ATXN10: variants seen among roughly 807,000 people sequenced by gnomAD.
ATXN10 encodes the protein ataxin 10, also known as ataxin-10.
Under a neutral mutation model 52.9 loss-of-function variants are expected in ATXN10, and 28 were observed. The observed-to-expected ratio is 0.53, with a 90% CI of 0.39 to 0.73. ATXN10 has a LOEUF of 0.73. Among genes scored for constraint, ATXN10 ranks in the 30% least tolerant of loss-of-function variants. The pLI, the probability that ATXN10 is intolerant of heterozygous loss-of-function variation, is 0.00. For missense variants in ATXN10, 565 were observed against 577.0 expected (o/e 0.98, Z 0.21); for synonymous variants, 226 against 221.5 (o/e 1.02, Z -0.18).
intron 9 of ATXN10, among the ~76,000 whole-genome samples, chr22:45,764,190 C>T (rs928952344): frequency 3.9e-5 from 6 of 152,152 alleles, no homozygotes; most frequent in African/African-American, 1.4e-4. Flanking sequence ...TCCCCCATCG[C>T]AGGGGAGTTC....
At chr22:45,751,763 A>AAAAAT in intron 9 of ATXN10, among the ~76,000 whole-genome samples, 7 of 66,626 alleles carry the variant, frequency 1.1e-4, no homozygotes, top group South Asian at 3.8e-4. Context: ...AATAAAAAAA[A>AAAAAT]AATAATAATA....
intron 9 of ATXN10, among the ~76,000 whole-genome samples, chr22:45,753,258 A>G (rs1926051810): frequency 6.9e-6 from 1 of 144,732 alleles, no homozygotes; most frequent in African/African-American, 2.6e-5. Flanking sequence ...TCATCTTCTT[A>G]GGAGAAACCT....
In ATXN10 at chr22:45,708,754, C is replaced by G. The variant is rs1444779227; in HGVS notation, c.647+5907C>G. Among the ~76,000 whole-genome samples the G allele has an allele frequency of 6.6e-6, 1 of 152,196 alleles. No individual in the cohort carries two copies. The highest frequency in any genetic ancestry group is 1.9e-4 in the East Asian group (1 of 5,188). ...TCCCGGGTTCAAGTGATTCTCCCAT[C>G]TCAGCCCCCTGAGTAGCCAGGACTA... On this transcript the variant is annotated intron_variant, in intron 5 of 11. Transcript: ENST00000252934. This position sits in a 1 kb window ranked among gnomAD's most constrained non-coding sequence, Gnocchi z 5.3.
At chr22:45,810,457 C>T (rs754939963) in intron 10 of ATXN10, among the ~76,000 whole-genome samples, 10 of 152,230 alleles carry the variant, frequency 6.6e-5, no homozygotes, top group Non-Finnish European at 1.3e-4. Context: ...GTCGTGTGCA[C>T]ATGCACATAC....
In ATXN10 at chr22:45,728,475, G is replaced by A. The variant is rs970133771; in HGVS notation, c.729-950G>A. 1.3e-5 allele frequency among the ~76,000 whole-genome samples: 2 copies of A among 152,078 alleles called. No homozygotes were observed. Among genetic ancestry groups the A allele is most frequent in the African/African-American group, 2.4e-5 (1 of 41,416 alleles). Reference sequence around the variant, plus strand: ...ATCATTTGGCCACAGTACAGGAAGCGTTTGCTATAGTTTTATTTCTTACTT... The same window carrying A: ...ATCATTTGGCCACAGTACAGGAAGCATTTGCTATAGTTTTATTTCTTACTT... On this transcript the variant is annotated intron_variant, in intron 6 of 11. Transcript: ENST00000252934. This position sits in a 1 kb window ranked among gnomAD's most constrained non-coding sequence, Gnocchi z 4.3.
At chr22:45,810,164 C>G (rs1030511570) in intron 10 of ATXN10, among the ~76,000 whole-genome samples, 2 of 152,168 alleles carry the variant, frequency 1.3e-5, no homozygotes, top group Non-Finnish European at 2.9e-5. Context: ...GCCCTAGTTA[C>G]TGAAAAGAAC....
At chr22:45,745,188 G>A (rs1436926661) in intron 9 of ATXN10, among the ~76,000 whole-genome samples, 1 of 152,138 alleles carries the variant, frequency 6.6e-6, no homozygotes, top group Non-Finnish European at 1.5e-5. Context: ...TTAGAATAAG[G>A]AATGTATGGT....
chr22:45,686,518 A>G (rs1018873224), intron 1 of ATXN10, among the ~76,000 whole-genome samples: 1 of 152,074 alleles, frequency 6.6e-6, no homozygotes, highest in Non-Finnish European at 1.5e-5. Context: ...GAGTTTCCCA[A>G]AGGTTTGAAA....
chr22:45,790,207 C>T lies in ATXN10; in HGVS notation c.1174-16752C>T, dbSNP rs1198182171. Among the ~76,000 whole-genome samples the T allele has an allele frequency of 1.3e-5, 2 of 152,156 alleles. No individual in the cohort carries two copies. Among genetic ancestry groups the T allele is most frequent in the African/African-American group, 4.8e-5 (2 of 41,426 alleles). On this transcript the variant is annotated intron_variant, in intron 9 of 11. Transcript: ENST00000252934. This position sits in a 1 kb window ranked among gnomAD's most constrained non-coding sequence, Gnocchi z 4.7. ...TTCTGCACAATCCCAGTTAGAGGGG[C>T]TCTTAATGCCTGTATAGGGTCAGGA...
rs184468914 is a variant in ATXN10, at chr22:45,816,176, C to T, written c.1237+9154C>T. 2.6e-5 allele frequency among the ~76,000 whole-genome samples: 4 copies of T among 152,180 alleles called. No individual in the cohort carries two copies. The highest frequency in any genetic ancestry group is 1.5e-5 in the Non-Finnish European group (1 of 68,030). On this transcript the variant is annotated intron_variant, in intron 10 of 11. Transcript: ENST00000252934. This position sits in a 1 kb window ranked among gnomAD's most constrained non-coding sequence, Gnocchi z 5.8. ...GCTGAGGCAGGAGAATCGCTTGAAC[C>T]TGCAAGGCGCAGGTTGTAGTGAGCT...
At chr22:45,827,570 A>G (rs1398413942) in intron 10 of ATXN10, among the ~76,000 whole-genome samples, 1 of 152,220 alleles carries the variant, frequency 6.6e-6, no homozygotes, top group Non-Finnish European at 1.5e-5. Flanking sequence ...AACATAATAT[A>G]TTAAAGTTTC....
At chr22:45,742,562 T>A (rs568577050) in intron 9 of ATXN10, among the ~76,000 whole-genome samples, 126 of 151,506 alleles carry the variant, frequency 8.3e-4, no homozygotes, top group African/African-American at 3.0e-3. Flanking sequence ...GTGCTTAACC[T>A]CAAGAAAGAT....
At chr22:45,743,261 G>A (rs751289462) in intron 9 of ATXN10, among the ~76,000 whole-genome samples, 2 of 152,162 alleles carry the variant, frequency 1.3e-5, no homozygotes, top group East Asian at 3.8e-4. Flanking sequence ...AGTTTCTTAC[G>A]TGTGTCAACA....
intron 9 of ATXN10, among the ~76,000 whole-genome samples, chr22:45,764,513 C>T (rs941578488): frequency 6.6e-6 from 1 of 152,204 alleles, no homozygotes. Flanking sequence ...GAATCCAACT[C>T]GCTCTTCATG....
rs1235023377 is a variant in ATXN10 at position 45,702,811 on chromosome 22, T to C, written c.611T>C (p.Ile204Thr). ...AACCTCAATATTGCAATTGATGTCA[T>C]AGATGCTTACCAAAAACATCCTGAA... ...EENLNIAIDV[I>T]DAYQKHPESE... Residue 204 changes from isoleucine to threonine, a missense_variant, in exon 5 of 12, where the codon ATA becomes ACA. Coordinates refer to ENST00000252934, the MANE Select transcript of ATXN10 (RefSeq NM_013236.4). 2.5e-6 allele frequency: 4 copies of C among 1,613,988 alleles called. No individual in the cohort carries two copies. The highest frequency in any genetic ancestry group is 3.4e-6 in the Non-Finnish European group (4 of 1,179,982).
At chr22:45,672,749 C>T (rs143538905) in intron 1 of ATXN10, 3 of 152,462 alleles carry the variant, frequency 2.0e-5, no homozygotes, top group Admixed American at 6.5e-5. Context: ...CAGTCCAGTC[C>T]TGATGCCACT....
chr22:45,839,896 C>T (rs904326097), intron 10 of ATXN10, among the ~76,000 whole-genome samples: 7 of 152,332 alleles, frequency 4.6e-5, no homozygotes, highest in African/African-American at 1.4e-4. Context: ...GCCTGTGGGT[C>T]GCTGCAGTGC....
rs897684007 is a variant in ATXN10, at chr22:45,671,872, G to C, written c.-192G>C. On this transcript the variant is annotated 5_prime_UTR_variant, in exon 1 of 12. Coordinates refer to ENST00000252934, the MANE Select transcript of ATXN10 (RefSeq NM_013236.4). Reference sequence around the variant, plus strand: ...CCCGCCTGAGGCGAGTCTGGGCTCAGCCTAGAGCTCTCCGGCGGCGGCGCA... The same window carrying C: ...CCCGCCTGAGGCGAGTCTGGGCTCACCCTAGAGCTCTCCGGCGGCGGCGCA... 37 of 597,106 alleles carry C rather than the reference G, an allele frequency of 6.2e-5. No homozygotes were observed. The highest frequency in any genetic ancestry group is 9.2e-5 in the Non-Finnish European group (33 of 357,230). 37.0% of individuals were successfully genotyped at this position (597,106 alleles called of 1,614,324 possible).
At chr22:45,726,466 C>T (rs572771818) in intron 6 of ATXN10, among the ~76,000 whole-genome samples, 3 of 152,230 alleles carry the variant, frequency 2.0e-5, no homozygotes, top group South Asian at 2.1e-4. Context: ...TCATAGTGTC[C>T]TTAAATGGTC....
Sources: gnomAD v4.1 joint callset for allele counts (sites outside exome capture counted in the v4.1 genomes callset) on GRCh38, gnomAD v4.1.1 for gene constraint, Gnocchi (gnomAD v3.1) non-coding constraint, MANE v1.5 for transcripts, NCBI Gene and HGNC (gene_info 2026-07-23, HGNC 2026-07-21) for gene names.